Variants in FBXL17 observed in about 807,000 individuals in gnomAD.
FBXL17 encodes the protein F-box/LRR-repeat protein 17.
In FBXL17, 22 loss-of-function variants were observed where a neutral mutation model predicts 66.2. The observed-to-expected ratio is 0.33, with a 90% confidence interval of 0.24 to 0.47. The LOEUF (loss-of-function observed/expected upper bound fraction) is 0.47. Among genes scored for constraint, FBXL17 ranks in the 20% least tolerant of loss-of-function variants. The probability of loss-of-function intolerance (pLI) is 1.00; values close to 1 mark genes in which losing one functional copy is unlikely to be tolerated. For missense variants in FBXL17, 878 were observed against 948.2 expected (o/e 0.93, Z 0.97); for synonymous variants, 474 against 400.5 (o/e 1.18, Z -2.19).
chr5:108,020,533 A>T (rs1472801150), intron 7 of FBXL17, among the ~76,000 whole-genome samples: 1 of 151,960 alleles, frequency 6.6e-6, no homozygotes, highest in Non-Finnish European at 1.5e-5. Flanking sequence ...GTCAGCAGAT[A>T]TGCCTTTGAT....
At chr5:108,035,221 T>C (rs144140957) in intron 6 of FBXL17, among the ~76,000 whole-genome samples, 1 of 152,304 alleles carries the variant, frequency 6.6e-6, no homozygotes, top group East Asian at 1.9e-4. Flanking sequence ...GGAGAATAAA[T>C]GCATACTTAT....
At position 108,301,949 on chromosome 5, in the gene FBXL17, T is replaced by C. The variant is rs1758609740; in HGVS notation, c.1506+46450A>G. 3.8e-6 allele frequency: 3 copies of C among 798,774 alleles called. No homozygotes were observed. The African/African-American group carries it at 5.6e-5, about 15-fold the overall frequency. 49.5% of individuals were successfully genotyped at this position (798,774 alleles called of 1,614,324 possible). ...GGGAGATATATGTATTGATAAGCTA[T>C]AACAGGATAACTAATTTTAAGAATA... On this transcript the variant is annotated intron_variant, in intron 4 of 8. Coordinates refer to ENST00000542267, the MANE Select transcript of FBXL17 (RefSeq NM_001163315.3).
intron 6 of FBXL17, among the ~76,000 whole-genome samples, chr5:108,185,384 T>C (rs1198857520): frequency 6.6e-6 from 1 of 152,188 alleles, no homozygotes; most frequent in African/African-American, 2.4e-5. Flanking sequence ...AAATGTGTAG[T>C]ACCTCCCACT....
intron 7 of FBXL17, among the ~76,000 whole-genome samples, chr5:107,924,318 T>G (rs901656703): frequency 1.3e-5 from 2 of 152,110 alleles, no homozygotes; most frequent in African/African-American, 4.8e-5. Context: ...TAGGTTCCAT[T>G]AAAAATTAAG....
intron 7 of FBXL17, among the ~76,000 whole-genome samples, chr5:108,012,235 T>A (rs926686062): frequency 1.3e-5 from 2 of 152,082 alleles, no homozygotes; most frequent in Admixed American, 6.6e-5. Context: ...TCAGAAAAAA[T>A]TTAACTCATG....
intron 6 of FBXL17, among the ~76,000 whole-genome samples, chr5:108,134,189 C>G (rs1385897609): frequency 1.3e-5 from 2 of 152,054 alleles, no homozygotes; most frequent in Admixed American, 1.3e-4. Context: ...CAATATTCCA[C>G]TAAAGGGAAA....
At chr5:108,042,207 C>G (rs1261494138) in intron 6 of FBXL17, among the ~76,000 whole-genome samples, 2 of 152,072 alleles carry the variant, frequency 1.3e-5, no homozygotes, top group African/African-American at 4.8e-5. Flanking sequence ...AGTTTTTTAT[C>G]AAACTTTTTA....
At chr5:107,907,790 A>G (rs1431297696) in intron 7 of FBXL17, among the ~76,000 whole-genome samples, 5 of 152,186 alleles carry the variant, frequency 3.3e-5, no homozygotes, top group Admixed American at 3.3e-4. Context: ...AAAAGTCAGG[A>G]AACAACAAGT....
chr5:108,287,304 GA>G (rs1275076628), intron 4 of FBXL17, among the ~76,000 whole-genome samples: 27 of 151,962 alleles, frequency 1.8e-4, no homozygotes, highest in African/African-American at 6.5e-4. Flanking sequence ...CACAGCAAAA[GA>G]AACTACTGAC....
intron 7 of FBXL17, among the ~76,000 whole-genome samples, chr5:107,949,896 G>A (rs1751441300): frequency 2.0e-5 from 3 of 152,100 alleles, no homozygotes; most frequent in African/African-American, 7.2e-5. Context: ...TCCTGAGTTC[G>A]ACTATTAGTT....
At chr5:108,195,963 G>A (rs1350886326) in intron 5 of FBXL17, among the ~76,000 whole-genome samples, 1 of 152,114 alleles carries the variant, frequency 6.6e-6, no homozygotes, top group East Asian at 1.9e-4. Context: ...TGCTTGAGAT[G>A]CCTAGATAAC....
At chr5:108,009,284 T>G (rs796856794) in intron 7 of FBXL17, among the ~76,000 whole-genome samples, 1,037 of 24,532 alleles carry the variant, frequency 0.042, 230 homozygotes, top group Non-Finnish European at 0.054. Context: ...TATATATATA[T>G]ATATATATAT....
intron 3 of FBXL17, among the ~76,000 whole-genome samples, chr5:108,361,678 G>T (rs1453563217): frequency 6.6e-6 from 1 of 152,084 alleles, no homozygotes; most frequent in Non-Finnish European, 1.5e-5. Context: ...GCCCAAAGAA[G>T]CTTGCTCAAA....
rs1379940144 is a variant in FBXL17, at chr5:108,154,630, C to T, written c.1745+31487G>A. Among the ~76,000 whole-genome samples the T allele has an allele frequency of 7.8e-4, 78 of 100,638 alleles. 1 individual carries two copies. The highest frequency in any genetic ancestry group is 1.4e-3 in the Non-Finnish European group (70 of 48,756). The allele number at this position is 100,638 out of a possible 152,430, so 66.0% of individuals were successfully genotyped here. ...AAATATATATATACACACACACACACACACACACACACACACACATATATG... is the reference window on the plus strand; with the variant it reads ...AAATATATATATACACACACACACATACACACACACACACACACATATATG... On this transcript the variant is annotated intron_variant, in intron 6 of 8. Coordinates refer to ENST00000542267, the MANE Select transcript of FBXL17 (RefSeq NM_001163315.3).
At chr5:108,077,952 C>A (rs1018078024) in intron 6 of FBXL17, among the ~76,000 whole-genome samples, 1 of 152,094 alleles carries the variant, frequency 6.6e-6, no homozygotes, top group Non-Finnish European at 1.5e-5. Context: ...ATATAAGCAG[C>A]CTTCATGTCT....
chr5:107,996,931 C>G (rs1236432531), intron 7 of FBXL17, among the ~76,000 whole-genome samples: 1 of 152,210 alleles, frequency 6.6e-6, no homozygotes, highest in Non-Finnish European at 1.5e-5. Context: ...TTTAACATCA[C>G]TACTCTTCGC....
intron 5 of FBXL17, among the ~76,000 whole-genome samples, chr5:108,206,471 A>G (rs549567238): frequency 7.9e-5 from 12 of 152,134 alleles, no homozygotes; most frequent in Non-Finnish European, 1.3e-4. Context: ...TATTTACCAC[A>G]ACCAACATAA....
chr5:108,073,533 A>T (rs1748421910), intron 6 of FBXL17, among the ~76,000 whole-genome samples: 1 of 152,202 alleles, frequency 6.6e-6, no homozygotes, highest in Non-Finnish European at 1.5e-5. Context: ...CTAAAAAACT[A>T]GAGCAAGTAA....
chr5:108,203,540 T>C (rs1382388762), intron 5 of FBXL17, among the ~76,000 whole-genome samples: 3 of 152,160 alleles, frequency 2.0e-5, no homozygotes, highest in Non-Finnish European at 2.9e-5. Flanking sequence ...AAAAAACCCT[T>C]TCATAATACA....
Sources: gnomAD v4.1 joint callset for allele counts (sites outside exome capture counted in the v4.1 genomes callset) on GRCh38, gnomAD v4.1.1 for gene constraint, MANE v1.5 for transcripts, NCBI Gene and HGNC (gene_info 2026-07-23, HGNC 2026-07-21) for gene names.